Variants in MTRF1 observed in about 807,000 individuals in gnomAD.
MTRF1 encodes the protein mitochondrial translation release factor 1.
In MTRF1, 51 loss-of-function variants were observed where a neutral mutation model predicts 62.9. The observed-to-expected ratio is 0.81, with a 90% CI of 0.65 to 1.02. The LOEUF (loss-of-function observed/expected upper bound fraction) is 1.02, where lower values mean the gene tolerates loss of function less well. MTRF1 is among the 50% of genes least tolerant of loss of function. MTRF1 has a pLI of 0.00. For synonymous variants in MTRF1, 158 were observed against 181.9 expected, an observed-to-expected ratio of 0.87 and a Z score of 1.06; for missense variants, 446 against 530.0, an observed-to-expected ratio of 0.84 and a Z score of 1.56.
rs2033776448 is a variant in MTRF1, at chr13:41,223,298, T to A, written c.1182A>T (p.Arg394Ser). ...RIRTYNFTQDRVSDHRIAYEV... is the reference protein window; with the variant it reads ...RIRTYNFTQDSVSDHRIAYEV... ...CATATGCTATCCTGTGGTCACTGAC[T>A]CTATCCTGGGTGAAATTATATGTCC... is the stretch of plus-strand genomic sequence containing the variant. The change falls in exon 9 of 10, where the codon AGA (arginine) becomes AGT (serine). Residue 394 changes from arginine to serine, a missense_variant. Coordinates refer to ENST00000379480, the MANE Select transcript of MTRF1 (RefSeq NM_004294.4). The A allele has an allele frequency of 3.1e-6, 5 of 1,614,086 alleles. No homozygotes were observed. Among genetic ancestry groups the A allele is most frequent in the Non-Finnish European group, 4.2e-6 (5 of 1,179,962 alleles).
chr13:41,248,423 C>G (rs1025622429), intron 5 of MTRF1, among the ~76,000 whole-genome samples: 5 of 152,228 alleles, frequency 3.3e-5, no homozygotes, highest in Admixed American at 2.0e-4. Context: ...CGCCCAGCCT[C>G]TGCTTTCTAT....
chr13:41,309,117 C>T, the MTRF1 span, among the ~76,000 whole-genome samples: 1 of 152,092 alleles, frequency 6.6e-6, no homozygotes, highest in Non-Finnish European at 1.5e-5. Flanking sequence ...ATCCAGTCCA[C>T]CGATGGGCAT....
chr13:41,220,126 G>A (rs1027773448), intron 9 of MTRF1, among the ~76,000 whole-genome samples: 16 of 151,172 alleles, frequency 1.1e-4, no homozygotes, highest in Non-Finnish European at 1.8e-4. Context: ...CCAGGAGTTC[G>A]AGACTAGCCT....
chr13:41,268,719 A>G, the MTRF1 span, among the ~76,000 whole-genome samples: 11 of 152,204 alleles, frequency 7.2e-5, no homozygotes. Context: ...AGAGAAAACC[A>G]AAAACAAGAT....
intron 5 of MTRF1, among the ~76,000 whole-genome samples, chr13:41,243,396 C>A (rs1417408095): frequency 2.3e-5 from 3 of 133,294 alleles, no homozygotes; most frequent in Non-Finnish European, 4.8e-5. Context: ...CAGAGTGAGA[C>A]CCTGTCTCAA....
chr13:41,306,240 C>T, the MTRF1 span, among the ~76,000 whole-genome samples: 2 of 151,866 alleles, frequency 1.3e-5, no homozygotes, highest in African/African-American at 4.8e-5. Flanking sequence ...AAAAATTAGC[C>T]GGGCGTGGTG....
rs1593978861 is a variant in MTRF1 at position 41,252,964 on chromosome 13, C to T, written c.574G>A (p.Gly192Arg). Residue 192 changes from glycine (G) to arginine (R), a missense_variant, in exon 4 of 10, where the codon GGA (glycine) becomes AGA (arginine). Coordinates refer to ENST00000379480, the MANE Select transcript of MTRF1 (RefSeq NM_004294.4). ...GTTTACTGACCTCCAGTAGTCCTTC[C>T]AGCTGTCACCTCTAAAATAACATCA... ...KNDVILEVTA[G>R]RTTGGDICQQ... The T allele has an allele frequency of 6.2e-7, 1 of 1,604,418 alleles. No individual in the cohort carries two copies. Among genetic ancestry groups the T allele is most frequent in the Non-Finnish European group, 8.5e-7 (1 of 1,175,296 alleles).
At chr13:41,257,840 T>TAC in intron 2 of MTRF1, 1 of 428,174 alleles carries the variant, frequency 2.3e-6, no homozygotes, top group Non-Finnish European at 4.8e-6. Flanking sequence ...TCATATATCC[T>TAC]ACCTCATAAG....
chr13:41,265,665 C>G (rs538318223), upstream of MTRF1, among the ~76,000 whole-genome samples: 567 of 106,536 alleles, frequency 5.3e-3, 1 homozygote, highest in Non-Finnish European at 6.8e-3. Flanking sequence ...GCTCACTGTC[C>G]CTGCCCAAAC....
intron 5 of MTRF1, among the ~76,000 whole-genome samples, chr13:41,241,015 C>T (rs2037414293): frequency 1.3e-5 from 2 of 152,150 alleles, no homozygotes; most frequent in African/African-American, 2.4e-5. Flanking sequence ...AAGAGTATCA[C>T]AAAGAATCTT....
At chr13:41,305,269 G>A in the MTRF1 span, among the ~76,000 whole-genome samples, 1 of 152,120 alleles carries the variant, frequency 6.6e-6, no homozygotes, top group East Asian at 1.9e-4. Flanking sequence ...TGTTGTCCAG[G>A]TTGGTTTTGA....
the MTRF1 span, among the ~76,000 whole-genome samples, chr13:41,305,631 TC>T: frequency 2.0e-5 from 3 of 152,218 alleles, no homozygotes; most frequent in Non-Finnish European, 4.4e-5. Context: ...GTCATACCAA[TC>T]TTCTTCCTGC....
At chr13:41,311,911 G>A in the MTRF1 span, among the ~76,000 whole-genome samples, 3 of 152,254 alleles carry the variant, frequency 2.0e-5, no homozygotes, top group Admixed American at 2.0e-4. Flanking sequence ...CTGCCGCGCC[G>A]GGCTCGCAGC....
In MTRF1 at chr13:41,230,563, C is replaced by CTT. The variant is rs74788525; in HGVS notation, c.988+3325_988+3326dup. Among the ~76,000 whole-genome samples, 167 of 131,392 alleles carry CTT rather than the reference C, an allele frequency of 1.3e-3. 1 individual carries two copies. The highest frequency in any genetic ancestry group is 4.2e-3 in the African/African-American group (152 of 35,926). 86.2% of individuals were successfully genotyped at this position (131,392 alleles called of 152,430 possible). On this transcript the variant is annotated intron_variant, in intron 7 of 9. Coordinates refer to ENST00000379480, the MANE Select transcript of MTRF1 (RefSeq NM_004294.4). ...ACAGGCGTGAGCCACTGCACCGGGC[C>CTT]TTTTTTTTTTTTTTTTTAACAGTTT...
intron 6 of MTRF1, among the ~76,000 whole-genome samples, chr13:41,234,481 G>A (rs1380563237): frequency 6.6e-6 from 1 of 152,098 alleles, no homozygotes; most frequent in Admixed American, 6.5e-5. Flanking sequence ...ACCTGGCCCT[G>A]GGATTCCATT....
chr13:41,259,566 G>C (rs2040149031), intron 2 of MTRF1, among the ~76,000 whole-genome samples: 1 of 151,922 alleles, frequency 6.6e-6, no homozygotes, highest in South Asian at 2.1e-4. Flanking sequence ...GCTGGGCATG[G>C]TGGCAGGGGC....
Position 41,226,488 on chromosome 13 carries a change from AGAG to A in MTRF1, c.1066_1068del (p.Leu356del). 6.2e-7 allele frequency: 1 copy of A among 1,613,822 alleles called. No homozygotes were observed. ...TTGTCTTTCTCAATAATCTGCTGGT[AGAG>A]TCTAGCTCTCAACACACGAAAGGCT... is the stretch of plus-strand genomic sequence containing the variant. On this transcript the variant is annotated inframe_deletion, in exon 8 of 10. Coordinates refer to ENST00000379480, the MANE Select transcript of MTRF1 (RefSeq NM_004294.4).
the MTRF1 span, chr13:41,311,522 G>A: frequency 6.2e-7 from 1 of 1,600,744 alleles, no homozygotes; most frequent in South Asian, 1.1e-5. Context: ...CCTCCCTGCC[G>A]GCCACGATGC....
chr13:41,243,096 G>A (rs547927541), intron 5 of MTRF1, among the ~76,000 whole-genome samples: 21 of 152,254 alleles, frequency 1.4e-4, no homozygotes, highest in African/African-American at 4.3e-4. Flanking sequence ...GCGCGCACCT[G>A]TCATCCCAGC....
Sources: gnomAD v4.1 joint callset for allele counts (sites outside exome capture counted in the v4.1 genomes callset) on GRCh38, gnomAD v4.1.1 for gene constraint, MANE v1.5 for transcripts, NCBI Gene and HGNC (gene_info 2026-07-23, HGNC 2026-07-21) for gene names.